Variants in ZC3H12B observed in about 807,000 individuals in gnomAD.
ZC3H12B encodes the protein probable ribonuclease ZC3H12B.
Under a neutral mutation model 43.9 loss-of-function variants are expected in ZC3H12B, and 7 were observed. The ratio of observed to expected loss-of-function variants is 0.16; its 90% CI spans 0.09 to 0.30. ZC3H12B has a LOEUF of 0.30. Among genes scored for constraint, ZC3H12B ranks in the 10% least tolerant of loss-of-function variants. ZC3H12B has a pLI of 1.00. For missense variants in ZC3H12B, 475 were observed against 670.2 expected, an observed-to-expected ratio of 0.71 and a Z score of 3.22; for synonymous variants, 222 against 241.7, an observed-to-expected ratio of 0.92 and a Z score of 0.76.
the ZC3H12B span, among the ~76,000 whole-genome samples, chrX:65,233,985 T>C: frequency 9.0e-6 from 1 of 111,391 alleles, no homozygotes; most frequent in African/African-American, 3.3e-5. Context: ...TTCAGACTAT[T>C]CTGAGAAGGG....
At chrX:65,056,748 G>T in the ZC3H12B span, among the ~76,000 whole-genome samples, 11 of 111,324 alleles carry the variant, frequency 9.9e-5, no homozygotes, top group South Asian at 4.2e-3. Context: ...GGTGTCTAAG[G>T]ACTTGCTTTA....
chrX:65,209,730 AT>A, the ZC3H12B span, among the ~76,000 whole-genome samples: 1 of 108,346 alleles, frequency 9.2e-6, no homozygotes, highest in African/African-American at 3.4e-5. Context: ...ATATAGATCA[AT>A]GGAACAGAAC....
exon 5 of ZC3H12B, chrX:65,506,463 C>G (rs1045443173): frequency 8.9e-6 from 1 of 112,190 alleles, no homozygotes; most frequent in Non-Finnish European, 1.9e-5. Flanking sequence ...GGGACCCCCT[C>G]GGCTGCCTTG....
the ZC3H12B span, among the ~76,000 whole-genome samples, chrX:65,125,763 T>A: frequency 2.7e-5 from 3 of 111,194 alleles, no homozygotes; most frequent in African/African-American, 9.8e-5. Context: ...TTAAAGTTTG[T>A]TTTGTCTGAT....
intron 2 of ZC3H12B, among the ~76,000 whole-genome samples, chrX:65,383,759 A>C (rs1198081899): frequency 8.9e-6 from 1 of 111,823 alleles, no homozygotes; most frequent in Non-Finnish European, 1.9e-5. Context: ...ATTTACAAGA[A>C]AAAAAACAAA....
chrX:65,169,814 T>G, the ZC3H12B span, among the ~76,000 whole-genome samples: 1 of 112,083 alleles, frequency 8.9e-6, no homozygotes, highest in Non-Finnish European at 1.9e-5. Context: ...CTTTTGATCT[T>G]TGTTGGTTTA....
intron 3 of ZC3H12B, among the ~76,000 whole-genome samples, chrX:65,407,819 G>A (rs1455609960): frequency 8.8e-6 from 1 of 113,264 alleles, no homozygotes; most frequent in Non-Finnish European, 1.9e-5. Flanking sequence ...CGACGTCTCC[G>A]CGCAGGTTAT....
At chrX:65,468,746 C>A (rs1252703493) in intron 3 of ZC3H12B, among the ~76,000 whole-genome samples, 1 of 106,497 alleles carries the variant, frequency 9.4e-6, no homozygotes. Flanking sequence ...TCGGCCTCCA[C>A]GCCTGGCCTA....
At chrX:65,369,870 G>C (rs1239759748) in intron 2 of ZC3H12B, among the ~76,000 whole-genome samples, 2 of 111,862 alleles carry the variant, frequency 1.8e-5, no homozygotes, top group Middle Eastern at 9.3e-3. Context: ...TTCTAGACTT[G>C]TGTTGCATAC....
chrX:65,458,958 G>A (rs1352660660), intron 3 of ZC3H12B, among the ~76,000 whole-genome samples: 1 of 110,725 alleles, frequency 9.0e-6, no homozygotes, highest in Non-Finnish European at 1.9e-5. Flanking sequence ...TTGATAGACT[G>A]CTAGCAAGAC....
intron 2 of ZC3H12B, among the ~76,000 whole-genome samples, chrX:65,379,084 C>T (rs1032541330): frequency 8.9e-6 from 1 of 112,070 alleles, no homozygotes; most frequent in African/African-American, 3.2e-5. Context: ...AGCCGGGAAG[C>T]TCGAACTGGG....
chrX:65,175,568 G>A, the ZC3H12B span, among the ~76,000 whole-genome samples: 5 of 111,980 alleles, frequency 4.5e-5, 1 homozygote, highest in Admixed American at 1.9e-4. Context: ...CAGTCAAAAT[G>A]CAGTCAAACT....
At chrX:65,051,258 G>T in the ZC3H12B span, among the ~76,000 whole-genome samples, 1 of 110,983 alleles carries the variant, frequency 9.0e-6, no homozygotes, top group Non-Finnish European at 1.9e-5. Flanking sequence ...GCTAGCTAAA[G>T]ATTTGTCAAT....
At chrX:65,212,807 A>G in the ZC3H12B span, among the ~76,000 whole-genome samples, 1 of 102,659 alleles carries the variant, frequency 9.7e-6, no homozygotes. Flanking sequence ...AACATCGACT[A>G]TATCTGGTTT....
chrX:65,161,279 C>A, the ZC3H12B span, among the ~76,000 whole-genome samples: 3 of 111,013 alleles, frequency 2.7e-5, no homozygotes, highest in South Asian at 3.8e-4. Flanking sequence ...CTATTAGGTC[C>A]GCTTGGTGCA....
At chrX:65,270,059 T>A in the ZC3H12B span, among the ~76,000 whole-genome samples, 4 of 110,259 alleles carry the variant, frequency 3.6e-5, no homozygotes, top group Non-Finnish European at 7.5e-5. Flanking sequence ...ACCATAAAAA[T>A]CCCTGAATAA....
At chrX:65,211,835 A>G in the ZC3H12B span, among the ~76,000 whole-genome samples, 4 of 80,781 alleles carry the variant, frequency 5.0e-5, no homozygotes, top group Non-Finnish European at 8.7e-5. Context: ...TGTATACTAT[A>G]TAATATATAA....
At chrX:65,179,744 A>G in the ZC3H12B span, among the ~76,000 whole-genome samples, 1 of 111,774 alleles carries the variant, frequency 8.9e-6, no homozygotes, top group Non-Finnish European at 1.9e-5. Flanking sequence ...GAATTGCTAC[A>G]AAGAAAATCT....
the ZC3H12B span, among the ~76,000 whole-genome samples, chrX:65,073,336 T>C: frequency 8.9e-6 from 1 of 112,020 alleles, no homozygotes; most frequent in Admixed American, 9.4e-5. Flanking sequence ...GACAGGTTGT[T>C]ATGTGTCTGT....
Sources: allele counts gnomAD v4.1 joint callset (sites outside exome capture counted in the v4.1 genomes callset), GRCh38; gene constraint gnomAD v4.1.1; transcripts MANE v1.5; gene names NCBI Gene and HGNC (gene_info 2026-07-23, HGNC 2026-07-21).